The following CCP110 variants were observed in gnomAD, a reference collection of about 807,000 sequenced individuals.
CCP110 encodes the protein centriolar coiled-coil protein of 110 kDa.
Under a neutral mutation model 105.5 loss-of-function variants are expected in CCP110, and 43 were observed. The observed-to-expected ratio is 0.41, with a 90% CI of 0.32 to 0.53. The LOEUF is 0.53. Among genes scored for constraint, CCP110 ranks in the 20% least tolerant of loss-of-function variants. The pLI, the probability that CCP110 is intolerant of heterozygous loss-of-function variation, is 0.32. For missense variants in CCP110, 1,016 were observed against 1,189.1 expected (o/e 0.85, Z 2.14); for synonymous variants, 353 against 392.1 (o/e 0.90, Z 1.18).
Position 19,538,302 on chromosome 16 carries a change from C to CTTTTTTTTTTT in CCP110, c.1918+733_1918+743dup, listed in dbSNP as rs1164690143. On this transcript the variant is annotated intron_variant, in intron 4 of 14. Coordinates refer to ENST00000381396, the Ensembl canonical transcript of CCP110. ...ATATTAATAATTGGAGGAAACAGTTCTTTTTTTTTTTTTTTTTTTTTTTTT... is the reference window on the plus strand; with the variant it reads ...ATATTAATAATTGGAGGAAACAGTTCTTTTTTTTTTTTTTTTTTTTTTTTTTTTTTTTTTTT... Among the ~76,000 whole-genome samples the CTTTTTTTTTTT allele has an allele frequency of 5.8e-3, 323 of 55,246 alleles. 80 individuals carry two copies. Among genetic ancestry groups the CTTTTTTTTTTT allele is most frequent in the East Asian group, 0.028 (40 of 1,438 alleles). 36.2% of individuals were successfully genotyped at this position (55,246 alleles called of 152,430 possible).
At chr16:19,545,277 T>C (rs1970424526) in intron 10 of CCP110, 67 bp downstream of exon 10, 1 of 867,592 alleles carries the variant, frequency 1.2e-6, no homozygotes, top group Non-Finnish European at 1.8e-6. Flanking sequence ...TAAATGTCAG[T>C]TTTGGTTGAC....
chr16:19,544,606 A>C (rs554785203), intron 8 of CCP110, among the ~76,000 whole-genome samples, 191 bp from the exon 9 acceptor site: 1 of 152,224 alleles, frequency 6.6e-6, no homozygotes, highest in Admixed American at 6.5e-5. Flanking sequence ...GGTTATATGC[A>C]GATAACTATT....
At chr16:19,544,210 A>G (rs1021724529) in intron 8 of CCP110, among the ~76,000 whole-genome samples, 1 of 152,174 alleles carries the variant, frequency 6.6e-6, no homozygotes, top group Non-Finnish European at 1.5e-5. Flanking sequence ...GAAAGAACCT[A>G]TGTTGAAATA....
At chr16:19,542,556 T>C (rs1970323652) in intron 6 of CCP110, 65 bp from the exon 7 acceptor site, 10 of 1,234,840 alleles carry the variant, frequency 8.1e-6, no homozygotes, top group Middle Eastern at 3.8e-4. Context: ...CAAGTGTTTA[T>C]TGGGATGTTC....
intron 11 of CCP110, 53 bp from the exon 12 acceptor site, chr16:19,546,359 T>A: frequency 9.7e-7 from 1 of 1,029,714 alleles, no homozygotes; most frequent in East Asian, 2.4e-5. Flanking sequence ...TTTGTAAGCA[T>A]GTTTTCTTCC....
rs201037519 is a variant in CCP110, at chr16:19,536,566, T to C, written c.897T>C (p.Asn299=). The C allele has an allele frequency of 5.0e-6, 8 of 1,614,182 alleles. No individual in the cohort carries two copies. The East Asian group carries it at 1.8e-4, about 36-fold the overall frequency. The change falls in exon 4 of 15, where the codon AAT becomes AAC. Residue 299 remains asparagine (N), a synonymous_variant. Coordinates refer to ENST00000381396, the Ensembl canonical transcript of CCP110. The stretch of plus-strand genomic sequence containing the variant: ...ACAAACCAAGCCTTAATAAATCAAA[T>C]GTTCTTCTCCAAGGTGCTTCCACTC...
intron 2 of CCP110, among the ~76,000 whole-genome samples, chr16:19,528,259 T>A (rs946121297): frequency 6.6e-6 from 1 of 152,212 alleles, no homozygotes; most frequent in African/African-American, 2.4e-5. Context: ...GCTAAGAGAA[T>A]CAGTTTATTT....
intron 3 of CCP110, among the ~76,000 whole-genome samples, chr16:19,535,242 T>A (rs1970009814): frequency 2.0e-5 from 3 of 152,034 alleles, no homozygotes; most frequent in African/African-American, 7.2e-5. Context: ...CAGTTTAATA[T>A]ACGGATGTAT....
chr16:19,534,030 G>T (rs1475840142), intron 3 of CCP110, among the ~76,000 whole-genome samples: 1 of 152,192 alleles, frequency 6.6e-6, no homozygotes, highest in Admixed American at 6.5e-5. Context: ...CTGAGAGGTA[G>T]TATTAAGAGA....
intron 8 of CCP110, among the ~76,000 whole-genome samples, chr16:19,543,593 G>A (rs947026298): frequency 1.3e-4 from 20 of 152,244 alleles, no homozygotes; most frequent in African/African-American, 3.9e-4. Context: ...CATATTTTTC[G>A]TCTTGCAGAG....
intron 2 of CCP110, among the ~76,000 whole-genome samples, chr16:19,530,448 C>A (rs1199136536): frequency 2.0e-5 from 3 of 151,802 alleles, no homozygotes; most frequent in Non-Finnish European, 4.4e-5. Flanking sequence ...GAGGCTGAGA[C>A]CAGCCTGGCC....
chr16:19,547,543 C>G (rs1037579654), intron 12 of CCP110: 1 of 160,408 alleles, frequency 6.2e-6, no homozygotes, highest in Non-Finnish European at 1.4e-5. Context: ...AGACCCATCT[C>G]AAAAAAATAA....
exon 4 of CCP110, chr16:19,536,824 G>A (rs151203023): frequency 2.5e-5 from 40 of 1,613,946 alleles, no homozygotes; most frequent in Middle Eastern, 1.6e-4. Flanking sequence ...CATCATCAGC[G>A]TGTCATATAC....
intron 3 of CCP110, among the ~76,000 whole-genome samples, chr16:19,534,160 A>G (rs1391785969): frequency 6.6e-6 from 1 of 152,180 alleles, no homozygotes; most frequent in Non-Finnish European, 1.5e-5. Context: ...TTTGCAGATT[A>G]TAATTACTGT....
exon 8 of CCP110, chr16:19,542,924 T>C (rs1970338188): frequency 6.2e-7 from 1 of 1,612,900 alleles, no homozygotes; most frequent in Non-Finnish European, 8.5e-7. Flanking sequence ...ATAACTGCAG[T>C]GGCAAAAGGA....
chr16:19,527,170 G>A (rs1969701717), intron 1 of CCP110: 1 of 152,122 alleles, frequency 6.6e-6, no homozygotes, highest in South Asian at 2.1e-4. Flanking sequence ...TAATATCAGA[G>A]CCAATCGATT....
chr16:19,548,037 T>C lies in CCP110; in HGVS notation c.2900+23T>C, dbSNP rs1033574381. ...AGGGTAAGAATGCCACACACGGGTATTGAAAACTACGGAAACCAAGATTAG... is the reference window on the plus strand; with the variant it reads ...AGGGTAAGAATGCCACACACGGGTACTGAAAACTACGGAAACCAAGATTAG... On this transcript the variant is annotated intron_variant, in intron 13 of 14. Transcript: ENST00000381396. The surrounding 1 kb of genome is among the most constrained non-coding windows in gnomAD (Gnocchi z 4.1). The C allele has an allele frequency of 1.3e-6, 2 of 1,524,276 alleles. No individual in the cohort carries two copies. Among genetic ancestry groups the C allele is most frequent in the African/African-American group, 1.4e-5 (1 of 73,146 alleles). The allele number at this position is 1,524,276 out of a possible 1,614,324, so 94.4% of individuals were successfully genotyped here.
chr16:19,526,128 T>G (rs1417628043), intron 1 of CCP110: 6 of 152,224 alleles, frequency 3.9e-5, no homozygotes, highest in Admixed American at 1.3e-4. Context: ...CTGCAAGATA[T>G]AGGACATATA....
intron 2 of CCP110, 61 bp from the exon 3 acceptor site, chr16:19,532,355 C>A: frequency 7.0e-7 from 1 of 1,425,728 alleles, no homozygotes; most frequent in African/African-American, 1.4e-5. Flanking sequence ...TGATTCACAA[C>A]TTCCCGATTT....
Sources: gnomAD v4.1 joint callset for allele counts (sites outside exome capture counted in the v4.1 genomes callset) on GRCh38, gnomAD v4.1.1 for gene constraint, Gnocchi (gnomAD v3.1) non-coding constraint, MANE v1.5 for transcripts, NCBI Gene and HGNC (gene_info 2026-07-23, HGNC 2026-07-21) for gene names.